The following MYH6 variants were observed in gnomAD, a reference collection of about 807,000 sequenced individuals.
MYH6 encodes myosin heavy chain 6, also known as myosin-6.
A neutral mutation model predicts 223.2 loss-of-function variants in MYH6; 126 were observed. The observed-to-expected ratio is 0.56, with a 90% CI of 0.49 to 0.65. The LOEUF (loss-of-function observed/expected upper bound fraction) is 0.65, where lower values mean the gene tolerates loss of function less well. Ranked by LOEUF, MYH6 falls within the 30% of genes least tolerant of loss-of-function variation. The probability of loss-of-function intolerance (pLI) is 0.00; values close to 1 mark genes in which losing one functional copy is unlikely to be tolerated. For synonymous variants in MYH6, 978 were observed against 1,010.2 expected (o/e 0.97, Z 0.61); for missense variants, 2,040 against 2,536.4 (o/e 0.80, Z 4.20).
intron 15 of MYH6, among the ~76,000 whole-genome samples, chr14:23,397,932 C>CTCCTCCTCT (rs1891452078): frequency 2.2e-4 from 20 of 90,198 alleles, no homozygotes; most frequent in South Asian, 8.6e-4. Flanking sequence ...CCTCCTCCTC[C>CTCCTCCTCT]TCTTCTTCTT....
chr14:23,398,965 TG>T lies in MYH6; in HGVS notation c.1653del (p.Lys552SerfsTer29). On this transcript the variant is annotated frameshift_variant, in exon 15 of 39. Transcript: ENST00000405093. LOFTEE classifies it high-confidence loss of function. ...FPKATDMTFK[A>X]KLYDNHLGKS... Reference sequence around the variant, plus strand: ...TTGCCCAGGTGGTTGTCGTACAGCTTGGCCTTGAAGGTCATGTCAGTGGCCT... The same window carrying T: ...TTGCCCAGGTGGTTGTCGTACAGCTTGCCTTGAAGGTCATGTCAGTGGCCT... The T allele has an allele frequency of 6.2e-7, 1 of 1,614,134 alleles. No homozygotes were observed. The highest frequency in any genetic ancestry group is 8.5e-7 in the Non-Finnish European group (1 of 1,180,026).
intron 20 of MYH6, among the ~76,000 whole-genome samples, chr14:23,395,978 A>AT (rs1345031687): frequency 6.6e-6 from 1 of 151,824 alleles, no homozygotes; most frequent in African/African-American, 2.4e-5. Context: ...CTTTCATTTT[A>AT]TTTTTATCTA....
intron 34 of MYH6, among the ~76,000 whole-genome samples, chr14:23,385,484 G>A (rs534335608): frequency 7.3e-5 from 11 of 150,084 alleles, no homozygotes; most frequent in South Asian, 6.5e-4. Context: ...AACTCCACAG[G>A]GCACTGCAAA....
In MYH6 at chr14:23,396,302, T is replaced by C; in HGVS notation, c.2411A>G (p.Lys804Arg). ...GTCTCACCTGCGTTCCACTATCTTC[T>C]TGAACTCAATGCGCATGAGCTGGCC... The part of the protein sequence containing the change: ...ARGQLMRIEF[K>R]KIVERRDALL... Residue 804 changes from lysine (K) to arginine (R), a missense_variant, in exon 20 of 39, where the codon AAG becomes AGG. Physicochemically the swap from Lys to Arg is conservative, Grantham distance 26. This residue lies in a region of MYH6 where 649 missense variants were observed against 877.3 expected (regional missense o/e 0.74). Transcript: ENST00000405093. The C allele has an allele frequency of 6.2e-7, 1 of 1,614,198 alleles. No homozygotes were observed. Among genetic ancestry groups the C allele is most frequent in the Admixed American group, 1.7e-5 (1 of 60,028 alleles).
At chr14:23,406,145 C>T (rs1251727416) in intron 3 of MYH6, among the ~76,000 whole-genome samples, 1 of 152,246 alleles carries the variant, frequency 6.6e-6, no homozygotes, top group East Asian at 1.9e-4. Context: ...CTGTCTCCCG[C>T]GGGCAGCGCT....
At position 23,393,478 on chromosome 14, in the gene MYH6, A is replaced by T. The variant is rs766362714; in HGVS notation, c.2969T>A (p.Ile990Asn). Residue 990 changes from isoleucine to asparagine, a missense_variant, in exon 23 of 39, where the codon ATC (isoleucine) becomes AAC (asparagine). By Grantham distance (149) the Ile-to-Asn change is moderately radical. Transcript: ENST00000405093. The part of the protein sequence containing the change: ...LTEEMAGLDE[I>N]IAKLTKEKKA... ...CTTCTCCTTGGTCAGCTTAGCGATG[A>T]TTTCATCCAGCCCAGCCATCTCCTC... 84 of 1,614,024 alleles carry T rather than the reference A, an allele frequency of 5.2e-5. No homozygotes were observed. The highest frequency in any genetic ancestry group is 6.9e-5 in the Non-Finnish European group (82 of 1,180,008).
Position 23,405,656 on chromosome 14 carries a change from T to G in MYH6, c.316A>C (p.Lys106Gln). Residue 106 changes from lysine (K) to glutamine (Q), a missense_variant, in exon 4 of 39, where the codon AAG becomes CAG. By Grantham distance (53) the Lys-to-Gln change is moderately conservative (BLOSUM62 1). Coordinates refer to ENST00000405093, the MANE Select transcript of MYH6 (RefSeq NM_002471.4). This position sits in a 1 kb window ranked among gnomAD's most constrained non-coding sequence, Gnocchi z 4.7. Reference sequence around the variant, plus strand: ...ATCATCCAGGCCGCGTAGCGCTCCTTGAGGTTGAAAAGCACCGCGGGCTCG... The same window carrying G: ...ATCATCCAGGCCGCGTAGCGCTCCTGGAGGTTGAAAAGCACCGCGGGCTCG... ...LHEPAVLFNL[K>Q]ERYAAWMIYT... 6.2e-7 allele frequency: 1 copy of G among 1,614,138 alleles called. No individual in the cohort carries two copies. The highest frequency in any genetic ancestry group is 8.5e-7 in the Non-Finnish European group (1 of 1,180,010).
rs369889994 is a variant in MYH6 at position 23,390,044 on chromosome 14, G to A, written c.3732+13C>T. 2.0e-4 allele frequency: 319 copies of A among 1,613,310 alleles called. No individual in the cohort carries two copies. The highest frequency in any genetic ancestry group is 2.6e-4 in the Non-Finnish European group (303 of 1,179,838). On this transcript the variant is annotated intron_variant, in intron 26 of 38. Transcript: ENST00000405093. ...GCAGGGGAGAGGGCGAGGGGAGGCC[G>A]AGCAGAGCCTGCCTTGGCCTTGATG...
intron 9 of MYH6, 73 bp from the exon 10 acceptor site, chr14:23,403,519 G>T: frequency 7.4e-7 from 1 of 1,348,310 alleles, no homozygotes; most frequent in Non-Finnish European, 1.1e-6. Context: ...TGGCCATGGG[G>T]GCAGAGGGCA....
In MYH6 at chr14:23,393,436, G is replaced by A; in HGVS notation, c.3011C>T (p.Ala1004Val). Residue 1004 changes from alanine to valine, a missense_variant, in exon 23 of 39, where the codon GCC (alanine) becomes GTC (valine). Physicochemically the swap from Ala to Val is moderately conservative, Grantham distance 64. This residue lies in a region of MYH6 where 1,203 missense variants were observed against 1,400.2 expected (regional missense o/e 0.86). Transcript: ENST00000405093. ...LTKEKKALQE[A>V]HQQALDDLQV... is the part of the protein sequence containing the mutation. Reference sequence around the variant, plus strand: ...AAGGTCATCCAGGGCCTGCTGATGGGCCTCTTGTAGAGCTTTCTTCTCCTT... The same window carrying A: ...AAGGTCATCCAGGGCCTGCTGATGGACCTCTTGTAGAGCTTTCTTCTCCTT... 1 of 1,614,078 alleles carries A rather than the reference G, an allele frequency of 6.2e-7. No homozygotes were observed. Among genetic ancestry groups the A allele is most frequent in the Non-Finnish European group, 8.5e-7 (1 of 1,180,014 alleles).
intron 20 of MYH6, 56 bp from the exon 21 acceptor site, chr14:23,394,379 A>G (rs941125917): frequency 1.9e-5 from 31 of 1,609,548 alleles, no homozygotes; most frequent in Non-Finnish European, 2.5e-5. Context: ...CTTCCCAATC[A>G]TGGGCCCTAC....
intron 23 of MYH6, 75 bp downstream of exon 23, chr14:23,393,267 T>C (rs1308925413): frequency 4.4e-6 from 7 of 1,590,180 alleles, no homozygotes; most frequent in African/African-American, 2.7e-5. Context: ...ATTCTAGGGA[T>C]CAGGACTTTC....
intron 13 of MYH6, 24 bp downstream of exon 13, chr14:23,400,685 C>T: frequency 3.1e-6 from 5 of 1,614,234 alleles, no homozygotes; most frequent in Non-Finnish European, 3.4e-6. Context: ...GATTGTTCTC[C>T]CACTCCCAGG....
chr14:23,398,922 T>G lies in MYH6; in HGVS notation c.1697A>C (p.Lys566Thr), dbSNP rs1230644840. Residue 566 changes from lysine to threonine, a missense_variant, in exon 15 of 39, where the codon AAG becomes ACG. This residue lies in a region of MYH6 where 649 missense variants were observed against 877.3 expected (regional missense o/e 0.74). Transcript: ENST00000405093. ...NHLGKSNNFQ[K>T]PRNIKGKQEA... ...CTGCTTCCCCTTGATGTTGCGTGGC[T>G]TCTGGAAATTGTTGGACTTGCCCAG... 6.2e-7 allele frequency: 1 copy of G among 1,614,012 alleles called. No homozygotes were observed. Among genetic ancestry groups the G allele is most frequent in the Non-Finnish European group, 8.5e-7 (1 of 1,180,022 alleles).
At chr14:23,393,298 C>A in intron 23 of MYH6, 44 bp downstream of exon 23, 1 of 1,613,414 alleles carries the variant, frequency 6.2e-7, no homozygotes. Context: ...GTGTTGCCTG[C>A]AAAATCTTGC....
rs746698222 is a variant in MYH6, at chr14:23,400,747, T to C, written c.1372A>G (p.Ile458Val). 8.1e-6 allele frequency: 13 copies of C among 1,614,258 alleles called. No homozygotes were observed. Among genetic ancestry groups the C allele is most frequent in the East Asian group, 2.2e-5 (1 of 44,886 alleles). Residue 458 changes from isoleucine (I) to valine (V), a missense_variant, in exon 13 of 39, where the codon ATA becomes GTA. Ile to Val is a conservative substitution (Grantham distance 29). Transcript: ENST00000405093. ...LETKQPRQYF[I>V]GVLDIAGFEI... is the part of the protein sequence containing the mutation. The stretch of plus-strand genomic sequence containing the variant: ...AAGCCAGCGATGTCCAGGACTCCTA[T>C]GAAGTACTGGCGTGGCTGCTTGGTC...
Position 23,384,456 on chromosome 14 carries a change from C to T in MYH6, c.5551G>A (p.Glu1851Lys), listed in dbSNP as rs1233959906. The T allele has an allele frequency of 1.9e-6, 3 of 1,611,230 alleles. No individual in the cohort carries two copies. In the African/African-American group the frequency reaches 4.0e-5, roughly 21 times the overall value. ...GTCCGCCGCACCTGGTAGGTGAGCTCCTTGATGCGCCGCTCGCTCTTCCTC... is the reference window on the plus strand; with the variant it reads ...GTCCGCCGCACCTGGTAGGTGAGCTTCTTGATGCGCCGCTCGCTCTTCCTC... ...GMRKSERRIK[E>K]LTYQTEEDKK... Residue 1851 changes from glutamate to lysine, a missense_variant, in exon 36 of 39, where the codon GAG becomes AAG. Coordinates refer to ENST00000405093, the MANE Select transcript of MYH6 (RefSeq NM_002471.4).
Position 23,393,795 on chromosome 14 carries a change from C to T in MYH6, c.2799G>A (p.Glu933=). The T allele has an allele frequency of 6.2e-7, 1 of 1,614,256 alleles. No individual in the cohort carries two copies. Among genetic ancestry groups the T allele is most frequent in the Non-Finnish European group, 8.5e-7 (1 of 1,180,048 alleles). The change falls in exon 22 of 39, where the codon GAG becomes GAA. Residue 933 remains glutamate, a synonymous_variant. Transcript: ENST00000405093. ...TCTTGGCAGTGAGCTCCGCGTTCAT[C>T]TCCTCCTCATCCTCCAGCCTCTCAT... The part of the protein sequence containing the change: ...EMNERLEDEE[E]MNAELTAKKR...
intron 14 of MYH6, 161 bp downstream of exon 14, chr14:23,400,095 T>A (rs1891552247): frequency 9.3e-7 from 1 of 1,074,736 alleles, no homozygotes; most frequent in Non-Finnish European, 1.4e-6. Context: ...AGTGGGGGGA[T>A]CATCCTGTTC....
Sources: allele counts gnomAD v4.1 joint callset (sites outside exome capture counted in the v4.1 genomes callset), GRCh38; gene constraint gnomAD v4.1.1; regional missense constraint gnomAD v4.1.1; non-coding constraint Gnocchi (gnomAD v3.1); transcripts MANE v1.5; gene names NCBI Gene and HGNC (gene_info 2026-07-23, HGNC 2026-07-21).